ZDHHC14: variants seen among roughly 807,000 people sequenced by gnomAD.
ZDHHC14 encodes the protein palmitoyltransferase ZDHHC14.
A neutral mutation model predicts 47.7 loss-of-function variants in ZDHHC14; 16 were observed. The observed-to-expected ratio is 0.34, with a 90% CI of 0.23 to 0.51. The LOEUF is 0.51. Among genes scored for constraint, ZDHHC14 ranks in the 20% least tolerant of loss-of-function variants. The probability of loss-of-function intolerance (pLI) is 0.97; values close to 1 mark genes in which losing one functional copy is unlikely to be tolerated. For synonymous variants in ZDHHC14, 293 were observed against 278.9 expected, an observed-to-expected ratio of 1.05 and a Z score of -0.50; for missense variants, 515 against 662.5, an observed-to-expected ratio of 0.78 and a Z score of 2.44.
Position 157,597,749 on chromosome 6 carries a change from A to G in ZDHHC14, c.565+4603A>G, listed in dbSNP as rs1784187542. ...TGAAGACGAAGGAAGTAGTACATGGAGCCCTCAGGCCATGCCAGCCCCTGG... is the reference window on the plus strand; with the variant it reads ...TGAAGACGAAGGAAGTAGTACATGGGGCCCTCAGGCCATGCCAGCCCCTGG... On this transcript the variant is annotated intron_variant, in intron 3 of 8. Coordinates refer to ENST00000359775, the MANE Select transcript of ZDHHC14 (RefSeq NM_024630.3). Among the ~76,000 whole-genome samples, 2 of 152,238 alleles carry G rather than the reference A, an allele frequency of 1.3e-5. 1 individual carries two copies. The highest frequency in any genetic ancestry group is 4.1e-4 in the South Asian group (2 of 4,832).
chr6:157,630,971 TACCC>T (rs940518212), intron 4 of ZDHHC14: 1 of 116,420 alleles, frequency 8.6e-6, no homozygotes, highest in African/African-American at 3.2e-5. Flanking sequence ...CACACACCCT[TACCC>T]ACACTCACAC....
intron 3 of ZDHHC14, among the ~76,000 whole-genome samples, chr6:157,615,090 A>G (rs1784912624): frequency 6.6e-6 from 1 of 152,156 alleles, no homozygotes; most frequent in African/African-American, 2.4e-5. Flanking sequence ...ATTTTTAAGC[A>G]GCTGCCCCAA....
chr6:157,447,600 C>T (rs1778708250), intron 1 of ZDHHC14, among the ~76,000 whole-genome samples: 1 of 152,066 alleles, frequency 6.6e-6, no homozygotes, highest in South Asian at 2.1e-4. Context: ...GGAAAAGAAG[C>T]CAAGGAAGGC....
Position 157,670,380 on chromosome 6 carries a change from G to C in ZDHHC14, c.1069-2344G>C, listed in dbSNP as rs144065104. ...GTGATCTCAGCTCACTGGAACCTCT[G>C]CCTTCTGGGCTCAAATGATTCTCCT... is the stretch of plus-strand genomic sequence containing the variant. On this transcript the variant is annotated intron_variant, in intron 8 of 8. Coordinates refer to ENST00000359775, the MANE Select transcript of ZDHHC14 (RefSeq NM_024630.3). 1.3e-4 allele frequency among the ~76,000 whole-genome samples: 20 copies of C among 152,304 alleles called. No homozygotes were observed. The East Asian group carries it at 3.9e-3, about 29-fold the overall frequency.
intron 1 of ZDHHC14, among the ~76,000 whole-genome samples, chr6:157,426,429 A>G (rs1036838443): frequency 6.6e-6 from 1 of 152,226 alleles, no homozygotes; most frequent in South Asian, 2.1e-4. Context: ...GGCATGCCAC[A>G]TGCCGCATTA....
chr6:157,459,312 G>A (rs1312809862), intron 1 of ZDHHC14, among the ~76,000 whole-genome samples: 1 of 152,178 alleles, frequency 6.6e-6, no homozygotes, highest in Non-Finnish European at 1.5e-5. Context: ...ATTTGATGAT[G>A]GCAGCAAGAC....
chr6:157,588,094 T>C (rs1783762905), intron 2 of ZDHHC14, among the ~76,000 whole-genome samples: 1 of 151,696 alleles, frequency 6.6e-6, no homozygotes, highest in Middle Eastern at 3.4e-3. Context: ...CTGTCTCTAC[T>C]AAAAAAAACA....
At chr6:157,604,898 G>T (rs558181501) in intron 3 of ZDHHC14, among the ~76,000 whole-genome samples, 1 of 152,340 alleles carries the variant, frequency 6.6e-6, no homozygotes, top group South Asian at 2.1e-4. Context: ...GAGTTGCCCA[G>T]AATTGAAATT....
chr6:157,632,972 C>T (rs1462720183), intron 5 of ZDHHC14, 90 bp downstream of exon 5: 22 of 1,379,704 alleles, frequency 1.6e-5, no homozygotes, highest in Non-Finnish European at 2.2e-5. Flanking sequence ...TCTTCTGCCC[C>T]GGCCTTGCTT....
chr6:157,550,751 C>G (rs1250640431), intron 2 of ZDHHC14, among the ~76,000 whole-genome samples: 1 of 152,194 alleles, frequency 6.6e-6, no homozygotes, highest in South Asian at 2.1e-4. Context: ...TGAACTCCTC[C>G]CTAAAGCCAG....
chr6:157,616,575 C>T (rs1583024685), intron 3 of ZDHHC14, among the ~76,000 whole-genome samples: 2 of 152,288 alleles, frequency 1.3e-5, no homozygotes, highest in East Asian at 1.9e-4. Context: ...TGCCAGGCCA[C>T]TCCACTCCCA....
At chr6:157,665,155 C>G (rs1315726087) in intron 8 of ZDHHC14, among the ~76,000 whole-genome samples, 1 of 152,174 alleles carries the variant, frequency 6.6e-6, no homozygotes, top group African/African-American at 2.4e-5. Context: ...CCATTTGCCT[C>G]CTGTACTTTG....
intron 1 of ZDHHC14, among the ~76,000 whole-genome samples, chr6:157,419,822 A>G (rs1346148872): frequency 1.3e-5 from 2 of 152,166 alleles, no homozygotes; most frequent in African/African-American, 4.8e-5. Context: ...TGATTGCTGG[A>G]TATATGGTAA....
intron 1 of ZDHHC14, among the ~76,000 whole-genome samples, chr6:157,500,658 G>A (rs988038502): frequency 6.6e-6 from 1 of 152,160 alleles, no homozygotes; most frequent in Non-Finnish European, 1.5e-5. Flanking sequence ...TATTCTCCAG[G>A]TAGAGATGCT....
At chr6:157,592,736 G>A (rs1783961020) in intron 2 of ZDHHC14, 8 of 1,243,710 alleles carry the variant, frequency 6.4e-6, no homozygotes, top group Non-Finnish European at 8.1e-6. Flanking sequence ...GGGCCTGGCT[G>A]GGTGGGGCCA....
chr6:157,389,111 A>G (rs564021261), intron 1 of ZDHHC14, among the ~76,000 whole-genome samples: 1 of 151,550 alleles, frequency 6.6e-6, no homozygotes, highest in South Asian at 2.1e-4. Context: ...GCATCATAGC[A>G]TAGTACTTAA....
intron 3 of ZDHHC14, among the ~76,000 whole-genome samples, chr6:157,611,087 C>T (rs1433747962): frequency 6.6e-6 from 1 of 152,166 alleles, no homozygotes; most frequent in Non-Finnish European, 1.5e-5. Context: ...CAATCTCCAC[C>T]TCCCGGGTTC....
chr6:157,653,930 G>A (rs1395529254), intron 8 of ZDHHC14, among the ~76,000 whole-genome samples: 1 of 152,144 alleles, frequency 6.6e-6, no homozygotes, highest in African/African-American at 2.4e-5. Context: ...ACAGGATCAG[G>A]CTGTTGTTAC....
chr6:157,451,596 T>C (rs1351215117), intron 1 of ZDHHC14, among the ~76,000 whole-genome samples: 1 of 152,260 alleles, frequency 6.6e-6, no homozygotes, highest in Non-Finnish European at 1.5e-5. Flanking sequence ...AGTCTTGCTC[T>C]GTCACCCAGG....
Sources: gnomAD v4.1 joint callset for allele counts (sites outside exome capture counted in the v4.1 genomes callset) on GRCh38, gnomAD v4.1.1 for gene constraint, MANE v1.5 for transcripts, NCBI Gene and HGNC (gene_info 2026-07-23, HGNC 2026-07-21) for gene names.